Variants in EPHA7 observed in about 807,000 individuals in gnomAD.
EPHA7 encodes the protein EPH receptor A7, also known as ephrin type-A receptor 7.
In EPHA7, 25 loss-of-function variants were observed where a neutral mutation model predicts 112.6. The ratio of observed to expected loss-of-function variants is 0.22; its 90% CI spans 0.16 to 0.31. The LOEUF (loss-of-function observed/expected upper bound fraction) is 0.31. Ranked by LOEUF, EPHA7 falls within the 10% of genes least tolerant of loss-of-function variation. The pLI is 1.00. For missense variants in EPHA7, 962 were observed against 1,212.6 expected, an observed-to-expected ratio of 0.79 and a Z score of 3.07; for synonymous variants, 437 against 406.5, an observed-to-expected ratio of 1.07 and a Z score of -0.90.
intron 5 of EPHA7, among the ~76,000 whole-genome samples, chr6:93,316,070 G>T (rs1773794950): frequency 6.6e-6 from 1 of 152,104 alleles, no homozygotes; most frequent in African/African-American, 2.4e-5. Context: ...CATATTATTG[G>T]AAAGAAAGCA....
At chr6:93,269,110 G>A (rs1308745258) in intron 7 of EPHA7, among the ~76,000 whole-genome samples, 2 of 151,682 alleles carry the variant, frequency 1.3e-5, no homozygotes, top group Non-Finnish European at 3.0e-5. Flanking sequence ...TCATTTGTGG[G>A]TTTCTGTGAA....
In EPHA7 at chr6:93,410,311, T is replaced by C; in HGVS notation, c.832+190A>G. ...CAAATTTCATTATCACCTATATTGA[T>C]TACATACACTTAGTGCAGATGCTAC... On this transcript the variant is annotated intron_variant, in intron 3 of 16. Transcript: ENST00000369303. This position sits in a 1 kb window ranked among gnomAD's most constrained non-coding sequence, Gnocchi z 4.0. 2 of 592,874 alleles carry C rather than the reference T, an allele frequency of 3.4e-6. No individual in the cohort carries two copies. Among genetic ancestry groups the C allele is most frequent in the South Asian group, 4.3e-5 (2 of 46,944 alleles). The allele number at this position is 592,874 out of a possible 1,614,324, so 36.7% of individuals were successfully genotyped here. A position where few individuals can be genotyped will look rare whatever the true frequency, so the allele number is the denominator to read the frequency against.
chr6:93,385,515 C>G (rs961827213), intron 3 of EPHA7, among the ~76,000 whole-genome samples: 4 of 151,570 alleles, frequency 2.6e-5, no homozygotes, highest in African/African-American at 9.7e-5. Context: ...AATAAAAAAC[C>G]CTATATTTAT....
chr6:93,262,492 A>G (rs1000152004), intron 9 of EPHA7, among the ~76,000 whole-genome samples: 2 of 151,342 alleles, frequency 1.3e-5, no homozygotes, highest in Non-Finnish European at 3.0e-5. Context: ...ATACATGATT[A>G]TATACATAAA....
At chr6:93,360,055 A>G (rs1776181672) in intron 3 of EPHA7, among the ~76,000 whole-genome samples, 2 of 152,176 alleles carry the variant, frequency 1.3e-5, no homozygotes, top group African/African-American at 2.4e-5. Flanking sequence ...AGCAGTTACA[A>G]AAACATTAAG....
intron 3 of EPHA7, among the ~76,000 whole-genome samples, chr6:93,405,781 ATATGTGTGTGTG>A (rs1350390551): frequency 6.0e-5 from 5 of 83,582 alleles, no homozygotes; most frequent in African/African-American, 1.0e-4. Context: ...ATTTCTGTAT[ATATGTGTGTGTG>A]TGTGTGTGTG....
intron 5 of EPHA7, among the ~76,000 whole-genome samples, chr6:93,349,352 T>C (rs1427250136): frequency 6.6e-6 from 1 of 151,922 alleles, no homozygotes; most frequent in Non-Finnish European, 1.5e-5. Flanking sequence ...TAAAATGTCA[T>C]GCCCTGCAGG....
chr6:93,312,714 G>A (rs990802051), intron 5 of EPHA7, among the ~76,000 whole-genome samples: 3 of 151,988 alleles, frequency 2.0e-5, no homozygotes, highest in Admixed American at 6.6e-5. Flanking sequence ...TCTAGCTTTC[G>A]GCCTATCTCA....
intron 5 of EPHA7, among the ~76,000 whole-genome samples, chr6:93,301,263 A>T (rs2127849645): frequency 6.6e-6 from 1 of 152,202 alleles, no homozygotes; most frequent in African/African-American, 2.4e-5. Context: ...ACATATTTTG[A>T]GGGTACATGT....
At chr6:93,382,525 A>C in intron 3 of EPHA7, among the ~76,000 whole-genome samples, 1 of 152,184 alleles carries the variant, frequency 6.6e-6, no homozygotes, top group East Asian at 1.9e-4. Context: ...CCCCTGCTAT[A>C]GACAATATAA....
At chr6:93,349,149 A>T (rs1303234055) in intron 5 of EPHA7, among the ~76,000 whole-genome samples, 1 of 151,818 alleles carries the variant, frequency 6.6e-6, no homozygotes, top group Non-Finnish European at 1.5e-5. Context: ...ATGTTACCTA[A>T]TTAAAATTTT....
At chr6:93,305,053 C>T (rs1431231140) in intron 5 of EPHA7, among the ~76,000 whole-genome samples, 1 of 151,938 alleles carries the variant, frequency 6.6e-6, no homozygotes, top group African/African-American at 2.4e-5. Context: ...TCTGCCCCAC[C>T]TCACTAGAAT....
chr6:93,254,107 C>A (rs561983838), intron 14 of EPHA7, among the ~76,000 whole-genome samples: 173 of 151,946 alleles, frequency 1.1e-3, no homozygotes, highest in Middle Eastern at 3.4e-3. Context: ...AAGGAATTTC[C>A]AAAGATATTC....
intron 5 of EPHA7, among the ~76,000 whole-genome samples, chr6:93,281,576 A>G (rs1771739847): frequency 6.6e-6 from 1 of 152,182 alleles, no homozygotes; most frequent in African/African-American, 2.4e-5. Context: ...ATGTGTATAC[A>G]TGTCTACGCA....
At chr6:93,309,989 A>G (rs1773450198) in intron 5 of EPHA7, among the ~76,000 whole-genome samples, 1 of 152,208 alleles carries the variant, frequency 6.6e-6, no homozygotes, top group Non-Finnish European at 1.5e-5. Context: ...GTCATTTTAG[A>G]TTTGGTTCAC....
chr6:93,405,165 A>G (rs544360194), intron 3 of EPHA7, among the ~76,000 whole-genome samples: 1 of 151,856 alleles, frequency 6.6e-6, no homozygotes, highest in African/African-American at 2.4e-5. Flanking sequence ...TCTTTTTCCT[A>G]TGTATATTTT....
intron 7 of EPHA7, among the ~76,000 whole-genome samples, chr6:93,265,779 C>T (rs1445997656): frequency 1.3e-5 from 2 of 151,610 alleles, no homozygotes; most frequent in African/African-American, 4.8e-5. Context: ...TGGGAAATAC[C>T]ATTCCTTCTT....
chr6:93,305,960 A>G (rs1311138185), intron 5 of EPHA7, among the ~76,000 whole-genome samples: 2 of 151,956 alleles, frequency 1.3e-5, no homozygotes, highest in East Asian at 3.8e-4. Flanking sequence ...CAGTCTATAC[A>G]ATGGATATCA....
At chr6:93,272,042 T>C (rs1242888666) in intron 6 of EPHA7, among the ~76,000 whole-genome samples, 3 of 151,762 alleles carry the variant, frequency 2.0e-5, no homozygotes, top group Non-Finnish European at 4.4e-5. Context: ...TATCAGAAAT[T>C]GAATAAATAA....
Sources: allele counts gnomAD v4.1 joint callset (sites outside exome capture counted in the v4.1 genomes callset), GRCh38; gene constraint gnomAD v4.1.1; non-coding constraint Gnocchi (gnomAD v3.1); transcripts MANE v1.5; gene names NCBI Gene and HGNC (gene_info 2026-07-23, HGNC 2026-07-21).